The following DUSP15 variants were observed in gnomAD, a reference collection of about 807,000 sequenced individuals.
DUSP15 encodes dual specificity protein phosphatase 15.
Under a neutral mutation model 26.3 loss-of-function variants are expected in DUSP15, and 23 were observed. That is an observed-to-expected ratio of 0.87 (90% CI 0.63 to 1.24). The LOEUF (loss-of-function observed/expected upper bound fraction) is 1.24, where lower values mean the gene tolerates loss of function less well. Among genes scored for constraint, DUSP15 ranks in the 50% most tolerant of loss-of-function variants. DUSP15 has a pLI of 0.00. For missense variants in DUSP15, 364 were observed against 320.6 expected (o/e 1.14, Z -1.03); for synonymous variants, 143 against 135.5 (o/e 1.06, Z -0.39).
downstream of DUSP15, among the ~76,000 whole-genome samples, chr20:31,846,474 GA>G (rs1325976535): frequency 8.0e-4 from 64 of 80,032 alleles, no homozygotes; most frequent in African/African-American, 5.0e-3. Flanking sequence ...GAGAGAGAGA[GA>G]GGAGAGAGAG....
chr20:31,849,566 A>T, intron 8 of DUSP15: 1 of 1,085,732 alleles, frequency 9.2e-7, no homozygotes, highest in Non-Finnish European at 1.4e-6. Flanking sequence ...TGTGTTCAGC[A>T]GGTGGCAGGT....
At chr20:31,853,170 A>G (rs1047272146) in intron 6 of DUSP15, among the ~76,000 whole-genome samples, 3 of 148,412 alleles carry the variant, frequency 2.0e-5, no homozygotes, top group African/African-American at 7.3e-5. Context: ...CTGGGGATTG[A>G]ATGAGGAATA....
At chr20:31,863,840 T>G in intron 5 of DUSP15, 67 bp downstream of exon 5, 1 of 1,456,366 alleles carries the variant, frequency 6.9e-7, no homozygotes, top group East Asian at 2.3e-5. Flanking sequence ...ACAGGGGGAG[T>G]GTGTGTTCAG....
At chr20:31,855,060 G>A (rs1364430838) in intron 6 of DUSP15, among the ~76,000 whole-genome samples, 1 of 152,144 alleles carries the variant, frequency 6.6e-6, no homozygotes, top group Non-Finnish European at 1.5e-5. Context: ...TCCCCAGAAG[G>A]CATATGACAG....
chr20:31,869,233 G>A (rs1334890459), intron 2 of DUSP15, among the ~76,000 whole-genome samples: 1 of 152,212 alleles, frequency 6.6e-6, no homozygotes, highest in Non-Finnish European at 1.5e-5. Flanking sequence ...GAGGCTTAGC[G>A]CAGGTGTAGA....
At chr20:31,846,477 G>GGGT (rs2062380280), downstream of DUSP15, among the ~76,000 whole-genome samples, 1 of 118,398 alleles carries the variant, frequency 8.4e-6, no homozygotes, top group African/African-American at 3.6e-5. Flanking sequence ...AGAGAGAGAG[G>GGGT]AGAGAGAGGC....
intron 5 of DUSP15, among the ~76,000 whole-genome samples, chr20:31,863,007 CA>C (rs2062693177): frequency 6.6e-6 from 1 of 152,166 alleles, no homozygotes; most frequent in Non-Finnish European, 1.5e-5. Context: ...TGTTCTTTTT[CA>C]GGCACTGGGG....
At position 31,861,462 on chromosome 20, in the gene DUSP15, G is replaced by T. The variant is rs1208365679; in HGVS notation, c.649C>A (p.Arg217Ser). ...EAHRPLPLLA[R>S]VKQTFSCLPR... Reference sequence around the variant, plus strand: ...AGGCAAGAGAAAGTCTGCTTGACGCGCGCCAGCAGCGGCAGCGGCCGGTGG... The same window carrying T: ...AGGCAAGAGAAAGTCTGCTTGACGCTCGCCAGCAGCGGCAGCGGCCGGTGG... Residue 217 changes from arginine to serine, a missense_variant, in exon 7 of 7, where the codon CGC becomes AGC. By Grantham distance (110) the Arg-to-Ser change is moderately radical. Coordinates refer to ENST00000339738, the MANE Select transcript of DUSP15 (RefSeq NM_080611.5). The T allele has an allele frequency of 1.9e-6, 3 of 1,553,108 alleles. No individual in the cohort carries two copies. The Admixed American group carries it at 5.6e-5, about 29-fold the overall frequency.
chr20:31,850,865 GTCC>G (rs2062457333), intron 6 of DUSP15, among the ~76,000 whole-genome samples: 1 of 152,158 alleles, frequency 6.6e-6, no homozygotes, highest in South Asian at 2.1e-4. Context: ...GCCACTCCTT[GTCC>G]TCATCCTCTG....
At chr20:31,851,392 A>G (rs2062467967) in intron 6 of DUSP15, among the ~76,000 whole-genome samples, 1 of 151,826 alleles carries the variant, frequency 6.6e-6, no homozygotes, top group South Asian at 2.1e-4. Flanking sequence ...AGCTGATGGG[A>G]ACAGTGAGGG....
At chr20:31,862,445 A>C (rs946168792) in intron 6 of DUSP15, 126 bp downstream of exon 6, 4 of 1,127,508 alleles carry the variant, frequency 3.5e-6, no homozygotes, top group East Asian at 2.4e-5. Context: ...AAAGGCCATG[A>C]GTTTGAGACC....
At chr20:31,860,812 GAGA>G (rs1053348149), downstream of DUSP15, among the ~76,000 whole-genome samples, 2 of 152,196 alleles carry the variant, frequency 1.3e-5, no homozygotes, top group East Asian at 1.9e-4. Flanking sequence ...GGGGTTCCGA[GAGA>G]AGGAGGGACT....
intron 5 of DUSP15, among the ~76,000 whole-genome samples, chr20:31,863,455 G>C (rs1227415287): frequency 6.6e-6 from 1 of 152,196 alleles, no homozygotes; most frequent in Non-Finnish European, 1.5e-5. Context: ...TCAGTGAGAA[G>C]TTAAGGAATG....
At chr20:31,867,024 T>G in intron 3 of DUSP15, 47 bp downstream of exon 3, 2 of 1,523,480 alleles carry the variant, frequency 1.3e-6, no homozygotes, top group Non-Finnish European at 1.8e-6. Flanking sequence ...TAAACAGGTC[T>G]GCACCCTCCC....
chr20:31,869,974 G>A, intron 1 of DUSP15: 1 of 1,352,214 alleles, frequency 7.4e-7, no homozygotes, highest in South Asian at 1.9e-5. Context: ...ACAGGATGGA[G>A]AAACAGCCCC....
chr20:31,846,333 G>A (rs985473442), downstream of DUSP15, among the ~76,000 whole-genome samples: 10 of 148,902 alleles, frequency 6.7e-5, 1 homozygote, highest in African/African-American at 2.3e-4. Context: ...CGTAGTATAC[G>A]GAGAAAGTGA....
intron 3 of DUSP15, 38 bp downstream of exon 3, chr20:31,867,033 C>T (rs1245834377): frequency 6.5e-7 from 1 of 1,539,142 alleles, no homozygotes; most frequent in Non-Finnish European, 8.8e-7. Context: ...CTGCACCCTC[C>T]CACCCCCGCA....
At position 31,869,874 on chromosome 20, in the gene DUSP15, G is replaced by A. The variant is rs368238237; in HGVS notation, c.22-277C>T. ...AGAGGAGGAAGGCAGGTCTTAGGAG[G>A]AGAGGAGAGGAGAGAGGTAGACTTG... is the stretch of plus-strand genomic sequence containing the variant. On this transcript the variant is annotated intron_variant, in intron 1 of 6. Coordinates refer to ENST00000339738, the MANE Select transcript of DUSP15 (RefSeq NM_080611.5). 1.9e-4 allele frequency: 259 copies of A among 1,388,428 alleles called. 4 individuals carry two copies. In the East Asian group the frequency reaches 2.4e-3, roughly 13 times the overall value. 86.0% of individuals were successfully genotyped at this position (1,388,428 alleles called of 1,614,324 possible).
intron 6 of DUSP15, among the ~76,000 whole-genome samples, chr20:31,854,979 T>A (rs2062537929): frequency 6.6e-6 from 1 of 152,174 alleles, no homozygotes; most frequent in Non-Finnish European, 1.5e-5. Flanking sequence ...TGATGTTGAT[T>A]TATTAACACT....
Sources: gnomAD v4.1 joint callset for allele counts (sites outside exome capture counted in the v4.1 genomes callset) on GRCh38, gnomAD v4.1.1 for gene constraint, MANE v1.5 for transcripts, NCBI Gene and HGNC (gene_info 2026-07-23, HGNC 2026-07-21) for gene names.